Variants in CALN1 observed in about 807,000 individuals in gnomAD.
CALN1 encodes calneuron 1.
In CALN1, 17 loss-of-function variants were observed where a neutral mutation model predicts 30.6. That is an observed-to-expected ratio of 0.56 (90% CI 0.38 to 0.83). CALN1 has a LOEUF of 0.83. Among genes scored for constraint, CALN1 ranks in the 40% least tolerant of loss-of-function variants. The probability of loss-of-function intolerance (pLI) is 0.00; values close to 1 mark genes in which losing one functional copy is unlikely to be tolerated. For missense variants in CALN1, 291 were observed against 354.9 expected (o/e 0.82, Z 1.45); for synonymous variants, 156 against 131.4 (o/e 1.19, Z -1.28).
chr7:72,459,412 T>G, the CALN1 span, among the ~76,000 whole-genome samples: 2 of 152,158 alleles, frequency 1.3e-5, no homozygotes, highest in Non-Finnish European at 2.9e-5. Flanking sequence ...ATTTTTCTCA[T>G]TTTCCTGACA....
At chr7:72,503,390 G>A in the CALN1 span, among the ~76,000 whole-genome samples, 3 of 151,968 alleles carry the variant, frequency 2.0e-5, no homozygotes, top group East Asian at 5.8e-4. Context: ...CAGTCACTGA[G>A]GTGGTGGTGC....
At chr7:72,020,549 G>C (rs1325455294) in intron 5 of CALN1, among the ~76,000 whole-genome samples, 2 of 152,174 alleles carry the variant, frequency 1.3e-5, no homozygotes. Flanking sequence ...TTTTGTTCTT[G>C]CTTGCTAGTC....
At chr7:72,390,371 T>C (rs899390481) in intron 2 of CALN1, among the ~76,000 whole-genome samples, 11 of 151,612 alleles carry the variant, frequency 7.3e-5, no homozygotes, top group African/African-American at 2.7e-4. Context: ...GCAGAGGTTG[T>C]AGTGAGCCGA....
intron 2 of CALN1, among the ~76,000 whole-genome samples, chr7:72,358,444 C>G (rs929099048): frequency 6.0e-5 from 9 of 150,176 alleles, no homozygotes; most frequent in Non-Finnish European, 1.0e-4. Context: ...CTCAGCTCTC[C>G]CTTCCCGCAG....
chr7:72,410,012 T>C (rs11983612), intron 1 of CALN1, among the ~76,000 whole-genome samples: 11,357 of 152,260 alleles, frequency 0.075, 474 homozygotes, highest in African/African-American at 0.098. Flanking sequence ...AAAAAGAATT[T>C]ATTTTTGTTA....
chr7:71,981,619 T>G (rs545106938), intron 5 of CALN1, among the ~76,000 whole-genome samples: 1 of 151,392 alleles, frequency 6.6e-6, no homozygotes, highest in African/African-American at 2.4e-5. Context: ...ATCACACCAC[T>G]GCACTACAGC....
chr7:72,428,099 C>G (rs954165501), intron 1 of CALN1, among the ~76,000 whole-genome samples: 1 of 152,170 alleles, frequency 6.6e-6, no homozygotes. Flanking sequence ...CAGACACAGT[C>G]GAGACACTCC....
intron 2 of CALN1, among the ~76,000 whole-genome samples, chr7:72,318,406 G>A (rs1423571677): frequency 6.6e-6 from 1 of 152,170 alleles, no homozygotes; most frequent in East Asian, 1.9e-4. Flanking sequence ...AGGGACAGAA[G>A]ATCAGGATTC....
intron 5 of CALN1, among the ~76,000 whole-genome samples, chr7:71,867,606 G>A (rs1418060430): frequency 1.3e-5 from 2 of 151,928 alleles, no homozygotes; most frequent in African/African-American, 4.8e-5. Context: ...AGCTAATTTT[G>A]TTATTTTTAG....
intron 5 of CALN1, among the ~76,000 whole-genome samples, chr7:71,956,815 G>A (rs1796983823): frequency 6.6e-6 from 1 of 152,092 alleles, no homozygotes; most frequent in South Asian, 2.1e-4. Context: ...TCCTGTCTCA[G>A]CCTCCTGAGA....
intron 5 of CALN1, among the ~76,000 whole-genome samples, chr7:71,957,606 C>T (rs966863824): frequency 3.3e-5 from 5 of 152,262 alleles, no homozygotes; most frequent in Admixed American, 2.6e-4. Flanking sequence ...CTTCAGTTCT[C>T]AGACAGATTA....
intron 3 of CALN1, among the ~76,000 whole-genome samples, chr7:72,256,093 G>C (rs1029223399): frequency 4.6e-5 from 7 of 152,184 alleles, no homozygotes; most frequent in Non-Finnish European, 1.0e-4. Context: ...TTCACAACTT[G>C]TGGGGACATT....
At chr7:72,401,230 G>C (rs1248404644) in intron 2 of CALN1, among the ~76,000 whole-genome samples, 1 of 152,096 alleles carries the variant, frequency 6.6e-6, no homozygotes, top group Non-Finnish European at 1.5e-5. Flanking sequence ...AGGGCAGGAG[G>C]CAATGCACTC....
At chr7:72,022,563 T>C (rs1480344937) in intron 5 of CALN1, among the ~76,000 whole-genome samples, 10 of 152,078 alleles carry the variant, frequency 6.6e-5, no homozygotes, top group Admixed American at 6.5e-4. Flanking sequence ...TGGCTAATTT[T>C]AAAAATTGTT....
intron 3 of CALN1, among the ~76,000 whole-genome samples, chr7:72,236,980 CTATTTT>C (rs1794512005): frequency 6.7e-6 from 1 of 150,044 alleles, no homozygotes; most frequent in Admixed American, 6.7e-5. Flanking sequence ...TTTTTTTTTT[CTATTTT>C]TATTTTTTTT....
intron 3 of CALN1, among the ~76,000 whole-genome samples, chr7:72,162,579 CA>C (rs1322069401): frequency 3.4e-5 from 5 of 147,082 alleles, no homozygotes; most frequent in African/African-American, 7.5e-5. Context: ...ACTAAAAATA[CA>C]AAAAAAAAAT....
At chr7:71,967,657 GA>G (rs1302254812) in intron 5 of CALN1, among the ~76,000 whole-genome samples, 1 of 146,082 alleles carries the variant, frequency 6.8e-6, no homozygotes, top group Non-Finnish European at 1.5e-5. Flanking sequence ...GAAAAGAAAA[GA>G]AAAGAAAAAA....
intron 1 of CALN1, among the ~76,000 whole-genome samples, chr7:72,411,851 A>G (rs1198211024): frequency 1.3e-5 from 2 of 152,242 alleles, no homozygotes; most frequent in African/African-American, 2.4e-5. Context: ...CATACAGATT[A>G]TATTCCAGGA....
Position 72,403,292 on chromosome 7 carries a change from T to TCCCCCTCCGAGGGCTCCTCC in CALN1, c.58_77dup (p.Pro30SerfsTer26). 7.1e-6 allele frequency: 11 copies of TCCCCCTCCGAGGGCTCCTCC among 1,550,094 alleles called. No individual in the cohort carries two copies. The highest frequency in any genetic ancestry group is 9.6e-6 in the Non-Finnish European group (11 of 1,146,846). Reference sequence around the variant, plus strand: ...GGGCCTGGCTCCTCGGCGGCTCCTCTCCCCCTCCGAGGGCTCCTCCGTCCC... The same window carrying TCCCCCTCCGAGGGCTCCTCC: ...GGGCCTGGCTCCTCGGCGGCTCCTCTCCCCCTCCGAGGGCTCCTCCCCCCCTCCGAGGGCTCCTCCGTCCC... On this transcript the variant is annotated frameshift_variant, in exon 2 of 7. Coordinates refer to ENST00000395275, the MANE Select transcript of CALN1 (RefSeq NM_031468.4). LOFTEE classifies it high-confidence loss of function.
Sources: allele counts gnomAD v4.1 joint callset (sites outside exome capture counted in the v4.1 genomes callset), GRCh38; gene constraint gnomAD v4.1.1; transcripts MANE v1.5; gene names NCBI Gene and HGNC (gene_info 2026-07-23, HGNC 2026-07-21).